Variants in KDM4A observed in about 807,000 individuals in gnomAD.
The protein encoded by KDM4A is lysine demethylase 4A.
Under a neutral mutation model 127.1 loss-of-function variants are expected in KDM4A, and 23 were observed. That is an observed-to-expected ratio of 0.18 (90% CI 0.13 to 0.26). The LOEUF is 0.26. Among genes scored for constraint, KDM4A ranks in the 10% least tolerant of loss-of-function variants. The probability of loss-of-function intolerance (pLI) is 1.00; values close to 1 mark genes in which losing one functional copy is unlikely to be tolerated. For missense variants in KDM4A, 890 were observed against 1,329.1 expected (o/e 0.67, Z 5.14); for synonymous variants, 443 against 466.5 (o/e 0.95, Z 0.65).
intron 19 of KDM4A, among the ~76,000 whole-genome samples, chr1:43,699,287 C>T (rs76697029): frequency 2.6e-5 from 4 of 151,948 alleles, no homozygotes; most frequent in East Asian, 3.9e-4. Flanking sequence ...GTAGTAACAA[C>T]GGTCTTGCTT....
In KDM4A at chr1:43,694,960, C is replaced by T; in HGVS notation, c.2670+66C>T. The T allele has an allele frequency of 1.4e-6, 2 of 1,433,724 alleles. No individual in the cohort carries two copies. Among genetic ancestry groups the T allele is most frequent in the Non-Finnish European group, 1.9e-6 (2 of 1,051,810 alleles). 88.8% of individuals were successfully genotyped at this position (1,433,724 alleles called of 1,614,324 possible). A position where few individuals can be genotyped will look rare whatever the true frequency, so the allele number is the denominator to read the frequency against. On this transcript the variant is annotated intron_variant, in intron 18 of 21. Coordinates refer to ENST00000372396, the MANE Select transcript of KDM4A (RefSeq NM_014663.3). The surrounding 1 kb of genome is among the most constrained non-coding windows in gnomAD (Gnocchi z 5.2). The stretch of plus-strand genomic sequence containing the variant: ...CATGGTCATTTTCTCTGCATGTTTT[C>T]CATTTGTTGTATCAGCAACTATTTC...
Position 43,665,174 on chromosome 1 carries a change from T to C in KDM4A, c.624-522T>C, listed in dbSNP as rs527493425. On this transcript the variant is annotated intron_variant, in intron 5 of 21. Coordinates refer to ENST00000372396, the MANE Select transcript of KDM4A (RefSeq NM_014663.3). ...AGAGAGGTAATTGATTGTTGGGTAA[T>C]CAGTATATGTAGCTGTTGGGGAGAT... Among the ~76,000 whole-genome samples, 10 of 152,292 alleles carry C rather than the reference T, an allele frequency of 6.6e-5. No individual in the cohort carries two copies. The East Asian group carries it at 1.9e-3, about 29-fold the overall frequency.
chr1:43,657,745 CTTTTCTT>C (rs1300000768), intron 3 of KDM4A, among the ~76,000 whole-genome samples: 2 of 135,650 alleles, frequency 1.5e-5, no homozygotes, highest in African/African-American at 6.0e-5. Flanking sequence ...AAGGCTTTTT[CTTTTCTT>C]TTTTTTTTTT....
chr1:43,690,826 A>G lies in KDM4A; in HGVS notation c.2038-19A>G, dbSNP rs1254151194. The G allele has an allele frequency of 6.8e-6, 11 of 1,612,392 alleles. No homozygotes were observed. Among genetic ancestry groups the G allele is most frequent in the East Asian group, 2.2e-5 (1 of 44,874 alleles). ...TAGGCACGTGCTCACTGAGGTGTAC[A>G]CTTGTTCTTTCCCCTTAGGTTGAAT... is the stretch of plus-strand genomic sequence containing the variant. On this transcript the variant is annotated intron_variant, in intron 13 of 21. Transcript: ENST00000372396.
In KDM4A at chr1:43,671,802, TC is replaced by T; in HGVS notation, c.1662del (p.Thr555LeufsTer33). The T allele has an allele frequency of 6.2e-7, 1 of 1,610,032 alleles. No individual in the cohort carries two copies. The highest frequency in any genetic ancestry group is 8.5e-7 in the Non-Finnish European group (1 of 1,177,814). On this transcript the variant is annotated frameshift_variant, in exon 11 of 22. Coordinates refer to ENST00000372396, the MANE Select transcript of KDM4A (RefSeq NM_014663.3). LOFTEE classifies it high-confidence loss of function. ...AGTTATGCCAAAGGGGATGGCAGGG[TC>T]ACTGTGGGAGAGCCATGCACGAGGA... is the stretch of plus-strand genomic sequence containing the variant. ...VHSYAKGDGR[V>X]TVGEPCTRKK...
chr1:43,683,224 CT>C (rs1430066464), intron 11 of KDM4A, among the ~76,000 whole-genome samples: 2 of 152,234 alleles, frequency 1.3e-5, no homozygotes, highest in Non-Finnish European at 2.9e-5. Context: ...CTGCTCACCC[CT>C]TTGGGTGTCC....
chr1:43,678,320 A>G (rs1465636841), intron 11 of KDM4A, among the ~76,000 whole-genome samples: 1 of 152,066 alleles, frequency 6.6e-6, no homozygotes, highest in African/African-American at 2.4e-5. Context: ...AGTGAAGAAC[A>G]GTTTCACAGT....
chr1:43,684,051 T>C (rs1660916213), intron 12 of KDM4A, among the ~76,000 whole-genome samples: 2 of 152,224 alleles, frequency 1.3e-5, no homozygotes, highest in South Asian at 4.1e-4. Flanking sequence ...TTTCCTTTCT[T>C]TTCCTGGGAG....
Position 43,694,289 on chromosome 1 carries a change from G to A in KDM4A, c.2484+187G>A, listed in dbSNP as rs937151652. Among the ~76,000 whole-genome samples the A allele has an allele frequency of 7.2e-5, 11 of 152,070 alleles. No homozygotes were observed. The highest frequency in any genetic ancestry group is 2.7e-4 in the African/African-American group (11 of 41,392). ...CCCAGCCCTTTGTGGGGCCGAGGTG[G>A]GTGAACCACTTGAGGTCAGGAGTTC... On this transcript the variant is annotated intron_variant, in intron 17 of 21. Coordinates refer to ENST00000372396, the MANE Select transcript of KDM4A (RefSeq NM_014663.3). The surrounding 1 kb of genome is among the most constrained non-coding windows in gnomAD (Gnocchi z 5.2).
rs149070569 is a variant in KDM4A at position 43,665,342 on chromosome 1, C to G, written c.624-354C>G. Among the ~76,000 whole-genome samples the G allele has an allele frequency of 2.6e-5, 4 of 152,178 alleles. No individual in the cohort carries two copies. The East Asian group carries it at 7.7e-4, about 29-fold the overall frequency. On this transcript the variant is annotated intron_variant, in intron 5 of 21. Coordinates refer to ENST00000372396, the MANE Select transcript of KDM4A (RefSeq NM_014663.3). ...TAAAAATACTGAGCATTTTTAAATA[C>G]TGAGGTTATATAGTGACATCCTTCT...
chr1:43,659,965 T>G (rs1381426634), intron 3 of KDM4A, among the ~76,000 whole-genome samples: 1 of 152,162 alleles, frequency 6.6e-6, no homozygotes, highest in Non-Finnish European at 1.5e-5. Context: ...TGGGTCTTGG[T>G]CTGTAAGCCC....
intron 12 of KDM4A, among the ~76,000 whole-genome samples, chr1:43,684,599 C>G (rs1490516854): frequency 6.6e-6 from 1 of 152,054 alleles, no homozygotes; most frequent in African/African-American, 2.4e-5. Flanking sequence ...ACAGTCAGCT[C>G]AGTGTGGCTG....
At position 43,667,930 on chromosome 1, in the gene KDM4A, A is replaced by T; in HGVS notation, c.1074A>T (p.Glu358Asp). ...CAGCTGAGTTTCTTAAGGAGAGTGA[A>T]CTGCCTCCAAGAGCTGGCAACGAGG... ...PEAAEFLKES[E>D]LPPRAGNEEE... The change falls in exon 9 of 22, where the codon GAA becomes GAT. Residue 358 changes from glutamate (E) to aspartate (D), a missense_variant. Glu to Asp is a conservative substitution (Grantham distance 45). This residue lies in a region of KDM4A where 389 missense variants were observed against 485.9 expected (regional missense o/e 0.80). Coordinates refer to ENST00000372396, the MANE Select transcript of KDM4A (RefSeq NM_014663.3). 1 of 1,614,122 alleles carries T rather than the reference A, an allele frequency of 6.2e-7. No homozygotes were observed. The highest frequency in any genetic ancestry group is 2.2e-5 in the East Asian group (1 of 44,870).
chr1:43,679,279 G>A (rs1226026932), intron 11 of KDM4A, among the ~76,000 whole-genome samples: 1 of 152,126 alleles, frequency 6.6e-6, no homozygotes, highest in Non-Finnish European at 1.5e-5. Context: ...TTACCAGCAC[G>A]GTCCAGAGGG....
chr1:43,669,512 T>C (rs993557033), intron 10 of KDM4A, among the ~76,000 whole-genome samples: 8 of 151,880 alleles, frequency 5.3e-5, no homozygotes, highest in Non-Finnish European at 1.2e-4. Flanking sequence ...TGGTCAGGGG[T>C]CAGGGAAACA....
At chr1:43,698,425 A>G (rs1661297483) in intron 19 of KDM4A, among the ~76,000 whole-genome samples, 1 of 152,198 alleles carries the variant, frequency 6.6e-6, no homozygotes, top group South Asian at 2.1e-4. Flanking sequence ...GATGTATAGA[A>G]TCTGCTTTTG....
chr1:43,689,162 G>C, intron 13 of KDM4A, 67 bp downstream of exon 13: 1 of 1,517,896 alleles, frequency 6.6e-7, no homozygotes, highest in South Asian at 1.2e-5. Context: ...ATTTAATTGT[G>C]AGTATATAGC....
intron 4 of KDM4A, among the ~76,000 whole-genome samples, chr1:43,662,472 G>T (rs535312374): frequency 6.6e-6 from 1 of 152,132 alleles, no homozygotes; most frequent in East Asian, 1.9e-4. Context: ...GTTGGGCATG[G>T]TGGTGGGTGC....
At position 43,694,213 on chromosome 1, in the gene KDM4A, T is replaced by C; in HGVS notation, c.2484+111T>C. On this transcript the variant is annotated intron_variant, in intron 17 of 21. Transcript: ENST00000372396. This position sits in a 1 kb window ranked among gnomAD's most constrained non-coding sequence, Gnocchi z 5.2. ...TGGTTAGAGTTTGTGATTCTCACTCTGTGGTTAGATTCCTTAGTGGAGGCC... is the reference window on the plus strand; with the variant it reads ...TGGTTAGAGTTTGTGATTCTCACTCCGTGGTTAGATTCCTTAGTGGAGGCC... The C allele has an allele frequency of 2.4e-6, 2 of 824,502 alleles. No homozygotes were observed. Among genetic ancestry groups the C allele is most frequent in the Non-Finnish European group, 3.9e-6 (2 of 512,084 alleles). The allele number at this position is 824,502 out of a possible 1,614,324, so 51.1% of individuals were successfully genotyped here.
Sources: gnomAD v4.1 joint callset for allele counts (sites outside exome capture counted in the v4.1 genomes callset) on GRCh38, gnomAD v4.1.1 for gene constraint, gnomAD v4.1.1 regional missense constraint, Gnocchi (gnomAD v3.1) non-coding constraint, MANE v1.5 for transcripts, NCBI Gene and HGNC (gene_info 2026-07-23, HGNC 2026-07-21) for gene names.